PFKFB4: variants seen among roughly 807,000 people sequenced by gnomAD.
PFKFB4 encodes 6-phosphofructo-2-kinase/fructose-2,6-biphosphatase 4, also known as 6-phosphofructo-2-kinase/fructose-2,6-bisphosphatase 4.
In PFKFB4, 42 loss-of-function variants were observed where a neutral mutation model predicts 62.8. The observed-to-expected ratio is 0.67, with a 90% CI of 0.52 to 0.86. The LOEUF (loss-of-function observed/expected upper bound fraction) is 0.86. Ranked by LOEUF, PFKFB4 falls within the 40% of genes least tolerant of loss-of-function variation. The pLI is 0.00. For synonymous variants in PFKFB4, 204 were observed against 240.7 expected (o/e 0.85, Z 1.41); for missense variants, 475 against 627.2 (o/e 0.76, Z 2.59).
upstream of PFKFB4, chr3:48,562,633 C>G: frequency 1.4e-6 from 1 of 719,694 alleles, no homozygotes; most frequent in Non-Finnish European, 2.2e-6. This position sits in a 1 kb window ranked among gnomAD's most constrained non-coding sequence, Gnocchi z 4.3. Context: ...ATGACAGTGG[C>G]TCCATGTGGC....
At chr3:48,547,024 G>A (rs779222105) in intron 3 of PFKFB4, among the ~76,000 whole-genome samples, 2 of 152,124 alleles carry the variant, frequency 1.3e-5, no homozygotes, top group African/African-American at 2.4e-5. Flanking sequence ...TCATTTTGCC[G>A]TACTAAGTCT....
intron 1 of PFKFB4, among the ~76,000 whole-genome samples, chr3:48,552,815 T>A (rs1171616225): frequency 6.6e-6 from 1 of 152,216 alleles, no homozygotes; most frequent in Non-Finnish European, 1.5e-5. Flanking sequence ...CCATGGCATT[T>A]GGTGGCATTT....
chr3:48,541,272 C>A (rs2042790549), intron 4 of PFKFB4, among the ~76,000 whole-genome samples: 1 of 151,846 alleles, frequency 6.6e-6, no homozygotes, highest in Non-Finnish European at 1.5e-5. Context: ...GGACTACAAG[C>A]GCCTGCCACA....
At chr3:48,563,070 C>A (rs756392975), upstream of PFKFB4, 1 of 1,611,976 alleles carries the variant, frequency 6.2e-7, no homozygotes, top group Admixed American at 1.7e-5. The surrounding 1 kb of genome is among the most constrained non-coding windows in gnomAD (Gnocchi z 4.5). Context: ...ACTGGGACAA[C>A]CAGGACTCTG....
chr3:48,559,584 C>T (rs1402523114), upstream of PFKFB4: 6 of 456,866 alleles, frequency 1.3e-5, no homozygotes, highest in South Asian at 4.6e-5. Context: ...AGCGGATGCC[C>T]GGTAGAATCT....
Position 48,523,736 on chromosome 3 carries a change from C to T in PFKFB4, c.1187G>A (p.Arg396His), listed in dbSNP as rs1575353708. Residue 396 changes from arginine to histidine, a missense_variant, in exon 11 of 14, where the codon CGC becomes CAC. Arg to His is a conservative substitution (Grantham distance 29, BLOSUM62 0). Coordinates refer to ENST00000232375, the MANE Select transcript of PFKFB4 (RefSeq NM_004567.4). The part of the protein sequence containing the change: ...VLVICHQAVM[R>H]CLLAYFLDKA... ...GTCGAGGAAGTAGGCCAGCAGGCAG[C>T]GCATCACAGCCTGGTGGCAGATGAC... 3 of 1,614,158 alleles carry T rather than the reference C, an allele frequency of 1.9e-6. No homozygotes were observed. The highest frequency in any genetic ancestry group is 2.5e-6 in the Non-Finnish European group (3 of 1,180,010).
chr3:48,550,200 C>T lies in PFKFB4; in HGVS notation c.132G>A (p.Met44Ile). 1 of 1,614,138 alleles carries T rather than the reference C, an allele frequency of 6.2e-7. No individual in the cohort carries two copies. The highest frequency in any genetic ancestry group is 2.2e-5 in the East Asian group (1 of 44,882). Residue 44 changes from methionine to isoleucine, a missense_variant, in exon 2 of 14, where the codon ATG becomes ATA. By Grantham distance (10) the Met-to-Ile change is conservative. Coordinates refer to ENST00000232375, the MANE Select transcript of PFKFB4 (RefSeq NM_004567.4). Reference protein sequence around the residue: ...CMTNCPTLIVMVGLPARGKTY... With the variant: ...CMTNCPTLIVIVGLPARGKTY... ...TCTTGCCCCTGGCGGGCAGGCCCAC[C>T]ATGACAATGAGAGTTGGGCAGTTGG...
rs2042461514 is a variant in PFKFB4 at position 48,532,535 on chromosome 3, C to T, written c.987+2977G>A. Among the ~76,000 whole-genome samples the T allele has an allele frequency of 2.0e-5, 3 of 152,260 alleles. No individual in the cohort carries two copies. In the South Asian group the frequency reaches 6.2e-4, roughly 32 times the overall value. Reference sequence around the variant, plus strand: ...CACGAAATGTGGTATACAATAGAATCTTATTCTGCCTTAGAAAGGAAGAAA... The same window carrying T: ...CACGAAATGTGGTATACAATAGAATTTTATTCTGCCTTAGAAAGGAAGAAA... On this transcript the variant is annotated intron_variant, in intron 9 of 13. Transcript: ENST00000232375.
intron 8 of PFKFB4, among the ~76,000 whole-genome samples, chr3:48,535,952 T>A (rs2042589932): frequency 6.6e-6 from 1 of 152,178 alleles, no homozygotes; most frequent in Admixed American, 6.5e-5. Context: ...AGGTCTCCCC[T>A]GGACTGTGGC....
At chr3:48,533,760 A>G (rs558254587) in intron 9 of PFKFB4, among the ~76,000 whole-genome samples, 262 of 152,302 alleles carry the variant, frequency 1.7e-3, no homozygotes, top group African/African-American at 6.1e-3. Flanking sequence ...AGGCTGAGGC[A>G]CAAGAATCGC....
chr3:48,526,549 G>A (rs1349143101), intron 9 of PFKFB4, among the ~76,000 whole-genome samples: 1 of 151,328 alleles, frequency 6.6e-6, no homozygotes, highest in Non-Finnish European at 1.5e-5. Context: ...CTCCAGCCTG[G>A]GGAAGAGAAT....
At chr3:48,555,523 G>T (rs2043286036) in intron 1 of PFKFB4, among the ~76,000 whole-genome samples, 1 of 152,216 alleles carries the variant, frequency 6.6e-6, no homozygotes, top group African/African-American at 2.4e-5. Context: ...TGTTAAACTA[G>T]ATGTTCTCTG....
rs1017850716 is a variant in PFKFB4 at position 48,539,260 on chromosome 3, G to T, written c.504C>A (p.Asn168Lys). 1 of 1,613,218 alleles carries T rather than the reference G, an allele frequency of 6.2e-7. No individual in the cohort carries two copies. The highest frequency in any genetic ancestry group is 1.7e-5 in the Admixed American group (1 of 60,002). ...GGTCAGATGCACTACTCACCACGAT[G>T]TTGGCAGCTATGACCTCAGGATCCA... ...ICVDPEVIAA[N>K]IVQVKLGSPD... is the part of the protein sequence containing the mutation. Residue 168 changes from asparagine to lysine, a missense_variant, in exon 6 of 14, where the codon AAC (asparagine) becomes AAA (lysine). By Grantham distance (94) the Asn-to-Lys change is moderately conservative. Coordinates refer to ENST00000232375, the MANE Select transcript of PFKFB4 (RefSeq NM_004567.4).
intron 10 of PFKFB4, among the ~76,000 whole-genome samples, chr3:48,524,895 G>T (rs2042209113): frequency 6.6e-6 from 1 of 152,184 alleles, no homozygotes; most frequent in Non-Finnish European, 1.5e-5. Context: ...GGGCTGAACT[G>T]TGTCAGAGAA....
At chr3:48,535,415 C>T (rs977680100) in intron 9 of PFKFB4, 97 bp downstream of exon 9, 6 of 1,124,932 alleles carry the variant, frequency 5.3e-6, no homozygotes, top group Non-Finnish European at 6.5e-6. Flanking sequence ...CTCTCCTCTC[C>T]TTTGCCCAAG....
chr3:48,552,954 T>C (rs540351109), intron 1 of PFKFB4, among the ~76,000 whole-genome samples: 1 of 152,280 alleles, frequency 6.6e-6, no homozygotes, highest in South Asian at 2.1e-4. Flanking sequence ...CCCAAGGAAA[T>C]GACCCAAAAG....
rs1055339270 is a variant in PFKFB4 at position 48,536,342 on chromosome 3, T to C, written c.754A>G (p.Ile252Val). ...LMNIHVTPRS[I>V]YLCRHGESEL... ...CTCTCCCCGTGCCGGCAGAGGTAGATGGAGCGGGGGGTCACGTGGATGTTC... is the reference window on the plus strand; with the variant it reads ...CTCTCCCCGTGCCGGCAGAGGTAGACGGAGCGGGGGGTCACGTGGATGTTC... Residue 252 changes from isoleucine (I) to valine (V), a missense_variant, in exon 8 of 14, where the codon ATC becomes GTC. By Grantham distance (29) the Ile-to-Val change is conservative. Transcript: ENST00000232375. 3.7e-6 allele frequency: 6 copies of C among 1,614,158 alleles called. No homozygotes were observed. The South Asian group carries it at 4.4e-5, about 12-fold the overall frequency.
intron 13 of PFKFB4, 54 bp from the exon 14 acceptor site, chr3:48,519,860 C>T (rs2042039958): frequency 2.9e-6 from 4 of 1,399,432 alleles, no homozygotes; most frequent in Middle Eastern, 1.8e-4. Flanking sequence ...GATGAGATGC[C>T]TGCTGTCTGC....
intron 1 of PFKFB4, among the ~76,000 whole-genome samples, chr3:48,554,258 A>G (rs1479401378): frequency 6.6e-6 from 1 of 152,192 alleles, no homozygotes; most frequent in Admixed American, 6.5e-5. Flanking sequence ...CTGTCCTTGC[A>G]GTCACTCAAC....
Sources: allele counts gnomAD v4.1 joint callset (sites outside exome capture counted in the v4.1 genomes callset), GRCh38; gene constraint gnomAD v4.1.1; non-coding constraint Gnocchi (gnomAD v3.1); transcripts MANE v1.5; gene names NCBI Gene and HGNC (gene_info 2026-07-23, HGNC 2026-07-21).